Variants in CLDN14 observed in about 807,000 individuals in gnomAD.
CLDN14 encodes claudin-14.
CLDN14 carries 2 observed loss-of-function variants against 2.1 expected under a neutral mutation model. The observed-to-expected ratio is 0.96, with a 90% confidence interval of 0.39 to 3.01. The LOEUF (loss-of-function observed/expected upper bound fraction) is 3.01, where lower values mean the gene tolerates loss of function less well. Ranked by LOEUF, CLDN14 falls within the 30% of genes most tolerant of loss-of-function variation. The pLI, the probability that CLDN14 is intolerant of heterozygous loss-of-function variation, is 0.09. For missense variants in CLDN14, 298 were observed against 328.0 expected, an observed-to-expected ratio of 0.91 and a Z score of 0.71; for synonymous variants, 136 against 154.4, an observed-to-expected ratio of 0.88 and a Z score of 0.88.
intron 1 of CLDN14, among the ~76,000 whole-genome samples, chr21:36,561,134 G>A (rs569686154): frequency 4.6e-5 from 7 of 152,070 alleles, no homozygotes; most frequent in Admixed American, 1.3e-4. Context: ...TGGATGTGTC[G>A]CAATCCTCAG....
intron 1 of CLDN14, among the ~76,000 whole-genome samples, chr21:36,525,995 G>A (rs568687754): frequency 2.6e-5 from 4 of 152,204 alleles, no homozygotes; most frequent in African/African-American, 4.8e-5. Context: ...TTCTGTTGGC[G>A]GGTCCAGCCT....
chr21:36,486,245 T>C (rs772174613), intron 2 of CLDN14: 1 of 841,818 alleles, frequency 1.2e-6, no homozygotes, highest in African/African-American at 1.7e-5. Context: ...GACATCTTCA[T>C]GACATAAGCA....
Position 36,544,055 on chromosome 21 carries a change from C to T in CLDN14, c.-220+32356G>A, listed in dbSNP as rs1279709350. Among the ~76,000 whole-genome samples, 2 of 152,254 alleles carry T rather than the reference C, an allele frequency of 1.3e-5. No individual in the cohort carries two copies. Among genetic ancestry groups the T allele is most frequent in the South Asian group, 2.1e-4 (1 of 4,834 alleles). ...CTGTGCTGAGCCGCACCTGCACTGG[C>T]TGAATTGCTAGCAGCCGGGTTTCAA... On this transcript the variant is annotated intron_variant, in intron 1 of 2. Transcript: ENST00000342108. This position sits in a 1 kb window ranked among gnomAD's most constrained non-coding sequence, Gnocchi z 4.1.
chr21:36,470,824 A>T (rs2086701970), intron 1 of CLDN14, among the ~76,000 whole-genome samples: 1 of 152,134 alleles, frequency 6.6e-6, no homozygotes, highest in Admixed American at 6.5e-5. Flanking sequence ...AAATAAAAAA[A>T]AATTAGCTGG....
At chr21:36,522,268 A>T in intron 1 of CLDN14, among the ~76,000 whole-genome samples, 1 of 152,180 alleles carries the variant, frequency 6.6e-6, no homozygotes, top group East Asian at 1.9e-4. Context: ...AATGCATATT[A>T]TTACCCCTGT....
At chr21:36,531,540 C>T (rs925429358) in intron 1 of CLDN14, among the ~76,000 whole-genome samples, 11 of 152,004 alleles carry the variant, frequency 7.2e-5, no homozygotes, top group African/African-American at 2.7e-4. Context: ...ACTAAGATTA[C>T]AGGCATGAGC....
At chr21:36,491,009 G>A (rs898207089) in intron 2 of CLDN14, among the ~76,000 whole-genome samples, 1 of 151,020 alleles carries the variant, frequency 6.6e-6, no homozygotes, top group South Asian at 2.1e-4. Flanking sequence ...CACACACATT[G>A]TTTTCTCAAA....
At chr21:36,573,133 C>G (rs2087720475) in intron 1 of CLDN14, among the ~76,000 whole-genome samples, 1 of 152,044 alleles carries the variant, frequency 6.6e-6, no homozygotes, top group African/African-American at 2.4e-5. Flanking sequence ...AACTCCGTCT[C>G]TACTAAAAAT....
chr21:36,513,054 G>A (rs2087198218), intron 1 of CLDN14, among the ~76,000 whole-genome samples: 1 of 152,140 alleles, frequency 6.6e-6, no homozygotes, highest in African/African-American at 2.4e-5. Context: ...CTTGTTTACA[G>A]AATCCCATTT....
intron 2 of CLDN14, among the ~76,000 whole-genome samples, chr21:36,493,710 C>CT (rs1465279378): frequency 6.6e-6 from 1 of 152,056 alleles, no homozygotes. Flanking sequence ...GCAAAATGGG[C>CT]TTTTTTTCTG....
Position 36,573,336 on chromosome 21 carries a change from A to G in CLDN14, c.-220+3075T>C, listed in dbSNP as rs563407580. Among the ~76,000 whole-genome samples the G allele has an allele frequency of 3.9e-5, 6 of 151,932 alleles. No homozygotes were observed. In the South Asian group the frequency reaches 1.2e-3, roughly 32 times the overall value. On this transcript the variant is annotated intron_variant, in intron 1 of 2. Coordinates refer to the CLDN14 transcript ENST00000342108. The stretch of plus-strand genomic sequence containing the variant: ...AAAAAAGAATTGGAGGGAAAATTAC[A>G]ATACTAGGTATTAAGACTACAGTTA...
intron 1 of CLDN14, among the ~76,000 whole-genome samples, chr21:36,557,660 G>T (rs1222197838): frequency 6.6e-6 from 1 of 152,176 alleles, no homozygotes; most frequent in Non-Finnish European, 1.5e-5. Context: ...TGGGTTGAAA[G>T]AGTTCTCTTA....
At chr21:36,491,441 A>G (rs1164726249) in intron 2 of CLDN14, among the ~76,000 whole-genome samples, 2 of 152,334 alleles carry the variant, frequency 1.3e-5, no homozygotes, top group African/African-American at 4.8e-5. Context: ...GTCAACGAAA[A>G]TAAGAAAGGG....
At chr21:36,558,127 T>C (rs368827480) in intron 1 of CLDN14, among the ~76,000 whole-genome samples, 4 of 152,310 alleles carry the variant, frequency 2.6e-5, no homozygotes, top group African/African-American at 9.6e-5. Flanking sequence ...CTTTATTCTG[T>C]TCCTGTTCCT....
At chr21:36,486,424 G>T (rs780939692) in intron 2 of CLDN14, 2 of 1,324,542 alleles carry the variant, frequency 1.5e-6, no homozygotes, top group East Asian at 2.3e-5. Context: ...CGCTGCTGCT[G>T]CTCCTCCATA....
upstream of CLDN14, among the ~76,000 whole-genome samples, chr21:36,481,521 AT>A (rs1268562851): frequency 1.3e-5 from 2 of 152,236 alleles, no homozygotes; most frequent in African/African-American, 4.8e-5. Flanking sequence ...TTCGTTGTGT[AT>A]TATTAGGAAA....
At chr21:36,538,134 T>A (rs1169143717) in intron 1 of CLDN14, among the ~76,000 whole-genome samples, 13 of 152,110 alleles carry the variant, frequency 8.5e-5, no homozygotes, top group African/African-American at 3.1e-4. Context: ...GTTTGAAAAT[T>A]TTCAGTCAGT....
At chr21:36,554,118 T>C (rs1282835581) in intron 1 of CLDN14, among the ~76,000 whole-genome samples, 1 of 152,142 alleles carries the variant, frequency 6.6e-6, no homozygotes, top group African/African-American at 2.4e-5. Context: ...TAAGCCACCC[T>C]TTACTGACAA....
At position 36,499,809 on chromosome 21, in the gene CLDN14, G is replaced by T. The variant is rs1411629482; in HGVS notation, c.-82+10554C>A. On this transcript the variant is annotated intron_variant, in intron 2 of 2. Transcript: ENST00000342108. The surrounding 1 kb of genome is among the most constrained non-coding windows in gnomAD (Gnocchi z 4.7). ...GCCAGCAGGGATTTATTGCTCCTTA[G>T]ATGATCAATGCTGCCCCCAGGGCTG... Among the ~76,000 whole-genome samples the T allele has an allele frequency of 4.6e-5, 7 of 152,218 alleles. No homozygotes were observed. The East Asian group carries it at 1.4e-3, about 29-fold the overall frequency.
Sources: gnomAD v4.1 joint callset for allele counts (sites outside exome capture counted in the v4.1 genomes callset) on GRCh38, gnomAD v4.1.1 for gene constraint, Gnocchi (gnomAD v3.1) non-coding constraint, MANE v1.5 for transcripts, NCBI Gene and HGNC (gene_info 2026-07-23, HGNC 2026-07-21) for gene names.